RIMBP2: variants seen among roughly 807,000 people sequenced by gnomAD.
RIMBP2 encodes RIMS-binding protein 2.
RIMBP2 carries 48 observed loss-of-function variants against 118.6 expected under a neutral mutation model. The observed-to-expected ratio is 0.40, with a 90% confidence interval of 0.32 to 0.51. RIMBP2 has a LOEUF of 0.51. RIMBP2 is among the 20% of genes least tolerant of loss of function. The pLI, the probability that RIMBP2 is intolerant of heterozygous loss-of-function variation, is 0.41. For missense variants in RIMBP2, 1,551 were observed against 1,768.3 expected, an observed-to-expected ratio of 0.88 and a Z score of 2.20; for synonymous variants, 762 against 742.9, an observed-to-expected ratio of 1.03 and a Z score of -0.42.
rs1035780424 is a variant in RIMBP2 at position 130,625,230 on chromosome 12, C to T, written c.-217+3092G>A. ...ATAACTTTAAAGCTGCTCACACATA[C>T]TCACAACCCCTGTGAAAGTTGTTGA... On this transcript the variant is annotated intron_variant, in intron 2 of 22. Transcript: ENST00000690449. Among the ~76,000 whole-genome samples, 5 of 152,330 alleles carry T rather than the reference C, an allele frequency of 3.3e-5. No individual in the cohort carries two copies. The East Asian group carries it at 9.6e-4, about 29-fold the overall frequency.
intron 19 of RIMBP2, among the ~76,000 whole-genome samples, chr12:130,411,285 T>C (rs921828317): frequency 8.5e-5 from 13 of 152,298 alleles, no homozygotes; most frequent in Admixed American, 4.6e-4. Flanking sequence ...TAGATTTCCA[T>C]GTCATCTGTG....
chr12:130,628,636 T>C (rs1179249077), intron 1 of RIMBP2, among the ~76,000 whole-genome samples, 180 bp from the exon 2 acceptor site: 1 of 152,130 alleles, frequency 6.6e-6, no homozygotes, highest in Non-Finnish European at 1.5e-5. Flanking sequence ...GAACTCATGG[T>C]CCTCCCAGCC....
intron 4 of RIMBP2, among the ~76,000 whole-genome samples, chr12:130,499,445 C>T (rs376674376): frequency 4.0e-4 from 61 of 152,124 alleles, no homozygotes; most frequent in African/African-American, 1.4e-3. Flanking sequence ...TGTTGAAAAC[C>T]CTCTAATGGC....
intron 2 of RIMBP2, among the ~76,000 whole-genome samples, chr12:130,575,547 C>T (rs1052885248): frequency 2.6e-5 from 4 of 152,186 alleles, no homozygotes; most frequent in African/African-American, 9.7e-5. Context: ...ATAATAACTA[C>T]GTGACCCATT....
In RIMBP2 at chr12:130,469,386, G is replaced by T. The variant is rs993744588; in HGVS notation, c.153+1307C>A. ...CAGAGGCGGATTGAAGCCACACAGGGTCATGTCAATGGGCTCCGGGGCAAC... is the reference window on the plus strand; with the variant it reads ...CAGAGGCGGATTGAAGCCACACAGGTTCATGTCAATGGGCTCCGGGGCAAC... On this transcript the variant is annotated intron_variant, in intron 6 of 22. Transcript: ENST00000690449. This position sits in a 1 kb window ranked among gnomAD's most constrained non-coding sequence, Gnocchi z 4.8. 3.7e-4 allele frequency among the ~76,000 whole-genome samples: 56 copies of T among 152,284 alleles called. No individual in the cohort carries two copies. Among genetic ancestry groups the T allele is most frequent in the Admixed American group, 3.7e-3 (56 of 15,300 alleles).
chr12:130,484,756 G>A lies in RIMBP2; in HGVS notation c.-3-5740C>T, dbSNP rs574266998. On this transcript the variant is annotated intron_variant, in intron 4 of 22. Transcript: ENST00000690449. ...TCAGGGGCTGGCAGGGAAGGTTGGG[G>A]GAAAAGTGCTTCCAGCATTTCAGGC... is the stretch of plus-strand genomic sequence containing the variant. Among the ~76,000 whole-genome samples, 3 of 152,334 alleles carry A rather than the reference G, an allele frequency of 2.0e-5. No homozygotes were observed. In the East Asian group the frequency reaches 5.8e-4, roughly 29 times the overall value.
At chr12:130,540,413 G>A (rs542751397) in intron 2 of RIMBP2, among the ~76,000 whole-genome samples, 16 of 152,158 alleles carry the variant, frequency 1.1e-4, no homozygotes, top group East Asian at 1.9e-4. Context: ...TAGAACTGAC[G>A]TTTATGGATT....
At chr12:130,411,301 A>G (rs187036935) in intron 19 of RIMBP2, among the ~76,000 whole-genome samples, 1 of 152,140 alleles carries the variant, frequency 6.6e-6, no homozygotes, top group African/African-American at 2.4e-5. Context: ...CTGTGAACAG[A>G]AAAAGTTGTA....
chr12:130,484,223 CCTGA>C (rs1400332196), intron 4 of RIMBP2, among the ~76,000 whole-genome samples: 2 of 152,182 alleles, frequency 1.3e-5, no homozygotes, highest in African/African-American at 4.8e-5. Context: ...CACAGGGCCA[CCTGA>C]CTGCCTCTTG....
In RIMBP2 at chr12:130,590,005, G is replaced by A. The variant is rs530442279; in HGVS notation, c.-217+38317C>T. Among the ~76,000 whole-genome samples, 11 of 152,320 alleles carry A rather than the reference G, an allele frequency of 7.2e-5. No homozygotes were observed. In the East Asian group the frequency reaches 1.9e-3, roughly 27 times the overall value. ...TGTGGTTAGAAACTGCTGTTCTTGA[G>A]TGAGTTTCTGGGAGGGATTGGAGTC... On this transcript the variant is annotated intron_variant, in intron 2 of 22. Transcript: ENST00000690449.
intron 2 of RIMBP2, among the ~76,000 whole-genome samples, chr12:130,582,133 C>T (rs150886227): frequency 6.6e-6 from 1 of 152,338 alleles, no homozygotes; most frequent in East Asian, 1.9e-4. Flanking sequence ...CCTCCCTCCT[C>T]CTCTGCTGTC....
intron 17 of RIMBP2, among the ~76,000 whole-genome samples, chr12:130,416,477 G>A (rs886587310): frequency 6.6e-6 from 1 of 152,138 alleles, no homozygotes; most frequent in Non-Finnish European, 1.5e-5. Flanking sequence ...GTGGGGAAAG[G>A]ACTCCCCATT....
rs1023086480 is a variant in RIMBP2 at position 130,447,229 on chromosome 12, A to G, written c.582-1960T>C. On this transcript the variant is annotated intron_variant, in intron 9 of 22. Transcript: ENST00000690449. The surrounding 1 kb of genome is among the most constrained non-coding windows in gnomAD (Gnocchi z 4.4). Reference sequence around the variant, plus strand: ...CTTGAGAGGGAAGCCGCGGAGGCCAAGAGGGAAGGTGAACACCGAGAAGGG... The same window carrying G: ...CTTGAGAGGGAAGCCGCGGAGGCCAGGAGGGAAGGTGAACACCGAGAAGGG... Among the ~76,000 whole-genome samples the G allele has an allele frequency of 6.6e-6, 1 of 151,940 alleles. No individual in the cohort carries two copies. The highest frequency in any genetic ancestry group is 2.4e-5 in the African/African-American group (1 of 41,362).
In RIMBP2 at chr12:130,412,603, A is replaced by G. The variant is rs1385800991; in HGVS notation, c.3589+16T>C. On this transcript the variant is annotated intron_variant, in intron 19 of 22. Coordinates refer to ENST00000690449, the MANE Select transcript of RIMBP2 (RefSeq NM_001393629.1). Reference sequence around the variant, plus strand: ...ATAAAATGCACAGGGAAGGTCGAATAGGGGTTTGCGCTTACCTATTTTCTC... The same window carrying G: ...ATAAAATGCACAGGGAAGGTCGAATGGGGGTTTGCGCTTACCTATTTTCTC... 1.2e-6 allele frequency: 2 copies of G among 1,610,356 alleles called. No homozygotes were observed. Among genetic ancestry groups the G allele is most frequent in the Non-Finnish European group, 1.7e-6 (2 of 1,177,652 alleles).
intron 2 of RIMBP2, among the ~76,000 whole-genome samples, chr12:130,574,387 C>G (rs1039431862): frequency 7.2e-5 from 11 of 152,274 alleles, no homozygotes; most frequent in Admixed American, 7.2e-4. Context: ...TCCTATTCTC[C>G]AGTCAGCCTA....
At chr12:130,410,098 A>G (rs1486160342) in intron 19 of RIMBP2, among the ~76,000 whole-genome samples, 1 of 152,220 alleles carries the variant, frequency 6.6e-6, no homozygotes, top group African/African-American at 2.4e-5. Context: ...GTGTGTGTGC[A>G]TTGGTTTCTC....
chr12:130,477,369 G>T lies in RIMBP2; in HGVS notation c.102+1543C>A, dbSNP rs11060930. Among the ~76,000 whole-genome samples the T allele has an allele frequency of 3.9e-5, 6 of 152,250 alleles. No individual in the cohort carries two copies. The East Asian group carries it at 1.2e-3, about 30-fold the overall frequency. Reference sequence around the variant, plus strand: ...CTACAGACTTATATCTGTCTCAGACGGTCCCCGCCTGGGGACGTGGCTTCT... The same window carrying T: ...CTACAGACTTATATCTGTCTCAGACTGTCCCCGCCTGGGGACGTGGCTTCT... On this transcript the variant is annotated intron_variant, in intron 5 of 22. Transcript: ENST00000690449.
intron 22 of RIMBP2, chr12:130,399,194 A>G (rs929105449): frequency 1.6e-6 from 2 of 1,225,380 alleles, no homozygotes; most frequent in African/African-American, 3.2e-5. Context: ...AGAAATAAAA[A>G]TATATATATA....
intron 12 of RIMBP2, 21 bp downstream of exon 12, chr12:130,438,344 A>AACAAAAAAAAAC: frequency 1.5e-6 from 1 of 685,540 alleles, no homozygotes; most frequent in Non-Finnish European, 2.3e-6. Context: ...AACCCTCCCC[A>AACAAAAAAAAAC]CCCACCCAAC....
Sources: allele counts gnomAD v4.1 joint callset (sites outside exome capture counted in the v4.1 genomes callset), GRCh38; gene constraint gnomAD v4.1.1; non-coding constraint Gnocchi (gnomAD v3.1); transcripts MANE v1.5; gene names NCBI Gene and HGNC (gene_info 2026-07-23, HGNC 2026-07-21).